UNC80: variants seen among roughly 807,000 people sequenced by gnomAD.
The protein encoded by UNC80 is unc-80 subunit of NALCN channel complex, also known as protein unc-80 homolog.
In UNC80, 164 loss-of-function variants were observed where a neutral mutation model predicts 384.6. The ratio of observed to expected loss-of-function variants is 0.43; its 90% confidence interval spans 0.38 to 0.49. UNC80 has a LOEUF of 0.49. Ranked by LOEUF, UNC80 falls within the 20% of genes least tolerant of loss-of-function variation. The pLI is 0.00. For synonymous variants in UNC80, 1,486 were observed against 1,527.8 expected (o/e 0.97, Z 0.64); for missense variants, 3,330 against 4,143.0 (o/e 0.80, Z 5.39).
chr2:209,829,652 A>T (rs892410626), intron 15 of UNC80, among the ~76,000 whole-genome samples: 9 of 152,094 alleles, frequency 5.9e-5, no homozygotes, highest in African/African-American at 1.7e-4. Flanking sequence ...TTCAATTTTT[A>T]TACTACCACT....
rs531096987 is a variant in UNC80, at chr2:209,996,902, G to C, written c.*1307G>C. ...CGGTGGTGTATGTGTGCGTGCGTGT[G>C]TGTGTGTATGTGTTGTAGTCCTCAA... On this transcript the variant is annotated 3_prime_UTR_variant, in exon 65 of 65. Transcript: ENST00000673920. The C allele has an allele frequency of 5.1e-4, 78 of 152,244 alleles. No individual in the cohort carries two copies. The highest frequency in any genetic ancestry group is 1.7e-3 in the African/African-American group (70 of 41,544). The allele number at this position is 152,244 out of a possible 1,614,324, so 9.4% of individuals were successfully genotyped here.
chr2:209,808,100 CCT>C, intron 7 of UNC80, among the ~76,000 whole-genome samples: 1 of 152,222 alleles, frequency 6.6e-6, no homozygotes, highest in African/African-American at 2.4e-5. Flanking sequence ...ACTAACATGC[CCT>C]GTTAGAAAAT....
chr2:209,878,963 G>C (rs1043915591), intron 24 of UNC80, among the ~76,000 whole-genome samples: 1 of 152,008 alleles, frequency 6.6e-6, no homozygotes, highest in Admixed American at 6.5e-5. Flanking sequence ...AATGGATGGG[G>C]CGTAACATTA....
intron 6 of UNC80, among the ~76,000 whole-genome samples, chr2:209,790,254 G>T (rs1230355228): frequency 6.6e-6 from 1 of 152,128 alleles, no homozygotes; most frequent in Admixed American, 6.6e-5. Context: ...GGCATTAAAT[G>T]ACCTGCTTTC....
intron 51 of UNC80, among the ~76,000 whole-genome samples, chr2:209,962,963 A>G (rs569272391): frequency 6.6e-6 from 1 of 152,390 alleles, no homozygotes; most frequent in South Asian, 2.1e-4. Flanking sequence ...AAAAAGAGAA[A>G]GAGAAATGGG....
At chr2:209,936,814 A>G in intron 40 of UNC80, 30 bp from the exon 41 acceptor site, 1 of 1,444,964 alleles carries the variant, frequency 6.9e-7, no homozygotes, top group Non-Finnish European at 9.5e-7. Context: ...CCTGATAAAC[A>G]TTTATTAAAA....
intron 26 of UNC80, among the ~76,000 whole-genome samples, chr2:209,892,969 A>G (rs940057483): frequency 6.6e-6 from 1 of 152,192 alleles, no homozygotes; most frequent in African/African-American, 2.4e-5. Flanking sequence ...CTGCATGGTG[A>G]TAATTTTAAT....
intron 23 of UNC80, among the ~76,000 whole-genome samples, chr2:209,877,468 T>C (rs1042890817): frequency 1.1e-4 from 16 of 152,162 alleles, no homozygotes; most frequent in African/African-American, 3.6e-4. Flanking sequence ...AGTACATATA[T>C]AATGACAGAT....
rs2092522894 is a variant in UNC80 at position 209,959,489 on chromosome 2, G to A, written c.7587G>A (p.Arg2529=). ...QEQGAKLHFI[R]ENLHLLEEGQ... The stretch of plus-strand genomic sequence containing the variant: ...TAGTTAATCTTTCACAATTTCCCAG[G>A]GAAAACCTTCATTTACTGGAGGAAG... Residue 2529 remains arginine (R), a splice_region_variant and synonymous_variant, in exon 51 of 65, where the codon AGG becomes AGA. Transcript: ENST00000673920. 6 of 1,551,558 alleles carry A rather than the reference G, an allele frequency of 3.9e-6. No homozygotes were observed. The highest frequency in any genetic ancestry group is 5.2e-6 in the Non-Finnish European group (6 of 1,146,932).
At chr2:209,858,483 G>A (rs946746888) in intron 22 of UNC80, among the ~76,000 whole-genome samples, 3 of 152,062 alleles carry the variant, frequency 2.0e-5, no homozygotes, top group Middle Eastern at 3.4e-3. Flanking sequence ...CAAGGTGGGC[G>A]GATCACTTGA....
At chr2:209,931,506 C>A (rs568872480) in intron 38 of UNC80, among the ~76,000 whole-genome samples, 5 of 151,794 alleles carry the variant, frequency 3.3e-5, no homozygotes, top group Non-Finnish European at 7.4e-5. Flanking sequence ...CCTGGCAGTT[C>A]TTTTCTGATC....
At chr2:209,793,927 C>A in intron 7 of UNC80, 68 bp downstream of exon 7, 1 of 1,574,866 alleles carries the variant, frequency 6.3e-7, no homozygotes, top group Non-Finnish European at 8.7e-7. Flanking sequence ...GCATTTTTAA[C>A]TACTTCGATA....
intron 42 of UNC80, among the ~76,000 whole-genome samples, chr2:209,938,799 A>G (rs1169101679): frequency 1.3e-5 from 2 of 151,764 alleles, no homozygotes. Flanking sequence ...TCTTGCTCTG[A>G]TGTACACTTC....
Position 209,772,051 on chromosome 2 carries a change from A to G in UNC80, c.-22A>G. 1.3e-6 allele frequency: 2 copies of G among 1,536,654 alleles called. No homozygotes were observed. Among genetic ancestry groups the G allele is most frequent in the South Asian group, 1.2e-5 (1 of 83,760 alleles). On this transcript the variant is annotated 5_prime_UTR_variant, in exon 1 of 65. An upstream open reading frame in the 5' UTR loses its in-frame stop. Coordinates refer to ENST00000673920, the MANE Select transcript of UNC80 (RefSeq NM_001371986.1). The stretch of plus-strand genomic sequence containing the variant: ...AGGAGACAGAGCTGGGTCCTGCAGT[A>G]GGACTCCCGGGAGCCACCATTATGG...
intron 35 of UNC80, among the ~76,000 whole-genome samples, chr2:209,923,470 A>G (rs1275211143): frequency 6.6e-6 from 1 of 152,108 alleles, no homozygotes; most frequent in African/African-American, 2.4e-5. Context: ...AGAAAAGACC[A>G]TTTTCTCCAT....
At chr2:209,940,882 C>A (rs1436088306) in intron 43 of UNC80, among the ~76,000 whole-genome samples, 1 of 152,092 alleles carries the variant, frequency 6.6e-6, no homozygotes, top group African/African-American at 2.4e-5. Context: ...TAGCCTCTGA[C>A]CATTAATTAA....
At chr2:209,955,035 C>G (rs1006277813) in intron 48 of UNC80, among the ~76,000 whole-genome samples, 1 of 152,102 alleles carries the variant, frequency 6.6e-6, no homozygotes, top group Non-Finnish European at 1.5e-5. Context: ...GGACACTATG[C>G]GTATGATGGG....
At chr2:209,794,212 C>G (rs768528162) in intron 7 of UNC80, among the ~76,000 whole-genome samples, 7 of 152,100 alleles carry the variant, frequency 4.6e-5, no homozygotes, top group Non-Finnish European at 7.3e-5. Context: ...ACCGCTAGAT[C>G]CTTGTATTAA....
At position 209,943,414 on chromosome 2, in the gene UNC80, G is replaced by T; in HGVS notation, c.6950G>T (p.Arg2317Leu). The change falls in exon 45 of 65, where the codon CGT becomes CTT. Residue 2317 changes from arginine to leucine, a missense_variant. Physicochemically the swap from Arg to Leu is moderately radical, Grantham distance 102. Around this residue, in one of 8 missense-constraint regions of UNC80, gnomAD observed 1,049 missense variants for 1,488.6 expected, o/e 0.70. Coordinates refer to ENST00000673920, the MANE Select transcript of UNC80 (RefSeq NM_001371986.1). Reference sequence around the variant, plus strand: ...GACTATGAAAGCAATCCCCAGCTGCGTCAAGCCATCGAATTTGCCTGTCAC... The same window carrying T: ...GACTATGAAAGCAATCCCCAGCTGCTTCAAGCCATCGAATTTGCCTGTCAC... ...YSDYESNPQLRQAIEFACHQF... is the reference protein window; with the variant it reads ...YSDYESNPQLLQAIEFACHQF... 6.4e-7 allele frequency: 1 copy of T among 1,552,074 alleles called. No homozygotes were observed. The highest frequency in any genetic ancestry group is 8.7e-7 in the Non-Finnish European group (1 of 1,147,048).
Sources: gnomAD v4.1 joint callset for allele counts (sites outside exome capture counted in the v4.1 genomes callset) on GRCh38, gnomAD v4.1.1 for gene constraint, gnomAD v4.1.1 regional missense constraint, MANE v1.5 for transcripts, NCBI Gene and HGNC (gene_info 2026-07-23, HGNC 2026-07-21) for gene names.